The following ADAM29 variants were observed in gnomAD, a reference collection of about 807,000 sequenced individuals.
ADAM29 encodes the protein ADAM metallopeptidase domain 29, also known as disintegrin and metalloproteinase domain-containing protein 29.
For missense variants in ADAM29, 969 were observed against 1,001.8 expected, an observed-to-expected ratio of 0.97 and a Z score of 0.44; for synonymous variants, 367 against 342.3, an observed-to-expected ratio of 1.07 and a Z score of -0.80.
chr4:174,952,852 T>C (rs1745265456), intron 4 of ADAM29, among the ~76,000 whole-genome samples: 1 of 152,154 alleles, frequency 6.6e-6, no homozygotes, highest in South Asian at 2.1e-4. Context: ...CTTAATATAA[T>C]CTGAGTGACA....
At chr4:174,963,052 A>G (rs1379309809) in intron 4 of ADAM29, among the ~76,000 whole-genome samples, 1 of 152,222 alleles carries the variant, frequency 6.6e-6, no homozygotes, top group East Asian at 1.9e-4. Context: ...ACATGGGACA[A>G]TCTATGAGGT....
intron 3 of ADAM29, 150 bp downstream of exon 3, chr4:174,931,324 A>G (rs1203169804): frequency 6.6e-6 from 1 of 152,248 alleles, no homozygotes; most frequent in Non-Finnish European, 1.5e-5. Flanking sequence ...GTGGATAAAT[A>G]CATGTTTGGT....
Position 174,975,730 on chromosome 4 carries a change from G to C in ADAM29, c.205G>C (p.Val69Leu), listed in dbSNP as rs749144524. 1.2e-5 allele frequency: 19 copies of C among 1,612,544 alleles called. No homozygotes were observed. The highest frequency in any genetic ancestry group is 1.4e-5 in the Non-Finnish European group (16 of 1,179,408). Reference sequence around the variant, plus strand: ...CCAGAAACACATTATCCACATAAAGGTCAAGAAGCTTTTGTTTTCCAAACA... The same window carrying C: ...CCAGAAACACATTATCCACATAAAGCTCAAGAAGCTTTTGTTTTCCAAACA... ...GGQKHIIHIK[V>L]KKLLFSKHLP... is the part of the protein sequence containing the mutation. The change falls in exon 5 of 5, where the codon GTC (valine) becomes CTC (leucine). Residue 69 changes from valine to leucine, a missense_variant. By Grantham distance (32) the Val-to-Leu change is conservative. Transcript: ENST00000359240.
chr4:174,953,559 GCATT>G (rs1281432636), intron 4 of ADAM29, among the ~76,000 whole-genome samples: 1 of 152,092 alleles, frequency 6.6e-6, no homozygotes, highest in African/African-American at 2.4e-5. Context: ...CAGATATACA[GCATT>G]CAAAGGAGAA....
intron 2 of ADAM29, among the ~76,000 whole-genome samples, chr4:174,926,476 A>G (rs1174283513): frequency 2.0e-5 from 3 of 152,180 alleles, no homozygotes; most frequent in Non-Finnish European, 4.4e-5. Context: ...CCATTAAAAT[A>G]CTAGTTTTTA....
At chr4:174,920,813 ATAATG>A (rs898608219) in intron 2 of ADAM29, 21 bp downstream of exon 2, 3 of 152,146 alleles carry the variant, frequency 2.0e-5, no homozygotes, top group African/African-American at 7.2e-5. Flanking sequence ...TTGCAGTAAG[ATAATG>A]TAATTATCTT....
intron 2 of ADAM29, among the ~76,000 whole-genome samples, chr4:174,927,249 C>G (rs938929091): frequency 1.3e-5 from 2 of 152,196 alleles, no homozygotes; most frequent in African/African-American, 4.8e-5. Flanking sequence ...GTTTGCCCAA[C>G]TAAAAACTTA....
intron 2 of ADAM29, among the ~76,000 whole-genome samples, chr4:174,926,876 C>G (rs1407700774): frequency 6.6e-6 from 1 of 151,620 alleles, no homozygotes; most frequent in African/African-American, 2.4e-5. Flanking sequence ...TTTATGAACT[C>G]TCTCTGACTT....
intron 1 of ADAM29, among the ~76,000 whole-genome samples, chr4:174,919,671 A>C (rs1438810867): frequency 3.3e-5 from 5 of 152,126 alleles, no homozygotes; most frequent in Non-Finnish European, 7.4e-5. Flanking sequence ...GTTTCTCTTT[A>C]AGGCTAGCTA....
Position 174,977,048 on chromosome 4 carries a change from T to G in ADAM29, c.1523T>G (p.Ile508Ser), listed in dbSNP as rs1746866048. The G allele has an allele frequency of 1.6e-5, 26 of 1,614,044 alleles. No homozygotes were observed. Among genetic ancestry groups the G allele is most frequent in the Non-Finnish European group, 2.2e-5 (26 of 1,179,988 alleles). The change falls in exon 5 of 5, where the codon ATT becomes AGT. Residue 508 changes from isoleucine to serine, a missense_variant. Coordinates refer to ENST00000359240, the MANE Select transcript of ADAM29 (RefSeq NM_014269.4). Reference sequence around the variant, plus strand: ...GACCGCAATGAACAGTGTAGGAGGATTTTTGGTGCAGGCGCAAATACTGCA... The same window carrying G: ...GACCGCAATGAACAGTGTAGGAGGAGTTTTGGTGCAGGCGCAAATACTGCA... ...CHDRNEQCRR[I>S]FGAGANTASE...
At chr4:174,941,000 A>G (rs113649113) in intron 4 of ADAM29, among the ~76,000 whole-genome samples, 38 of 152,236 alleles carry the variant, frequency 2.5e-4, no homozygotes, top group African/African-American at 8.9e-4. Flanking sequence ...CTATGTTTTA[A>G]TCTGTAGAAC....
intron 4 of ADAM29, among the ~76,000 whole-genome samples, chr4:174,963,942 T>G (rs1334482354): frequency 3.9e-5 from 6 of 152,196 alleles, no homozygotes; most frequent in African/African-American, 1.4e-4. Flanking sequence ...GTGCTGGGAT[T>G]ACAGGCATGA....
intron 4 of ADAM29, among the ~76,000 whole-genome samples, chr4:174,937,740 C>T (rs1744283992): frequency 6.6e-6 from 1 of 151,920 alleles, no homozygotes; most frequent in African/African-American, 2.4e-5. Context: ...TTTTCTGAGC[C>T]TCGGATTGAA....
At chr4:174,948,640 G>C (rs1356131611) in intron 4 of ADAM29, among the ~76,000 whole-genome samples, 2 of 152,206 alleles carry the variant, frequency 1.3e-5, no homozygotes, top group Non-Finnish European at 2.9e-5. Context: ...ATCTGTGCTT[G>C]CTCACATGTG....
Position 174,975,612 on chromosome 4 carries a change from C to A in ADAM29, c.87C>A (p.Ser29Arg). ...AGGATGAGCACCCCCAATATCACAGCCCTCCGGATGTGGTGATTCCTGTGA... is the reference window on the plus strand; with the variant it reads ...AGGATGAGCACCCCCAATATCACAGACCTCCGGATGTGGTGATTCCTGTGA... The part of the protein sequence containing the change: ...HIQDEHPQYH[S>R]PPDVVIPVRI... Residue 29 changes from serine to arginine, a missense_variant, in exon 5 of 5, where the codon AGC becomes AGA. By Grantham distance (110) the Ser-to-Arg change is moderately radical. Coordinates refer to ENST00000359240, the MANE Select transcript of ADAM29 (RefSeq NM_014269.4). 6.2e-7 allele frequency: 1 copy of A among 1,607,802 alleles called. No homozygotes were observed. Among genetic ancestry groups the A allele is most frequent in the Non-Finnish European group, 8.5e-7 (1 of 1,177,116 alleles).
At chr4:174,927,918 C>G (rs1743613194) in intron 2 of ADAM29, among the ~76,000 whole-genome samples, 1 of 152,078 alleles carries the variant, frequency 6.6e-6, no homozygotes, top group African/African-American at 2.4e-5. Flanking sequence ...GCATTTGATC[C>G]AAGGGAGACT....
chr4:174,976,691 T>A lies in ADAM29; in HGVS notation c.1166T>A (p.Val389Glu), dbSNP rs1363714066. ...AGGACAAAGTGTTTGCTTGAAACAG[T>A]ACACACAAAGGACATCTTTAATGTG... is the stretch of plus-strand genomic sequence containing the variant. ...VERTKCLLET[V>E]HTKDIFNVKR... The change falls in exon 5 of 5, where the codon GTA becomes GAA. Residue 389 changes from valine (V) to glutamate (E), a missense_variant. Physicochemically the swap from Val to Glu is moderately radical, Grantham distance 121 (BLOSUM62 -2). Coordinates refer to ENST00000359240, the MANE Select transcript of ADAM29 (RefSeq NM_014269.4). 1.2e-6 allele frequency: 2 copies of A among 1,614,076 alleles called. No homozygotes were observed. The highest frequency in any genetic ancestry group is 1.7e-6 in the Non-Finnish European group (2 of 1,179,974).
chr4:174,923,721 A>G (rs72710273), intron 2 of ADAM29: 39,583 of 151,750 alleles, frequency 0.26, 5,929 homozygotes, highest in Non-Finnish European at 0.34. Flanking sequence ...CAGCAACAAC[A>G]TAAGAAAGGG....
intron 4 of ADAM29, among the ~76,000 whole-genome samples, chr4:174,949,386 T>G (rs1745041375): frequency 1.3e-5 from 2 of 152,196 alleles, no homozygotes; most frequent in Non-Finnish European, 2.9e-5. Flanking sequence ...TGCCGTGTCA[T>G]TTCTCTAAGC....
Sources: allele counts gnomAD v4.1 joint callset (sites outside exome capture counted in the v4.1 genomes callset), GRCh38; gene constraint gnomAD v4.1.1; transcripts MANE v1.5; gene names NCBI Gene and HGNC (gene_info 2026-07-23, HGNC 2026-07-21).